NUP93: variants seen among roughly 807,000 people sequenced by gnomAD.
NUP93 encodes nucleoporin 93.
A neutral mutation model predicts 107.8 loss-of-function variants in NUP93; 55 were observed. The ratio of observed to expected loss-of-function variants is 0.51; its 90% CI spans 0.41 to 0.64. The LOEUF is 0.64. Among genes scored for constraint, NUP93 ranks in the 30% least tolerant of loss-of-function variants. NUP93 has a pLI of 0.00. For missense variants in NUP93, 937 were observed against 1,044.7 expected, an observed-to-expected ratio of 0.90 and a Z score of 1.42; for synonymous variants, 390 against 397.5, an observed-to-expected ratio of 0.98 and a Z score of 0.22.
chr16:56,794,787 G>A (rs1416250183), intron 3 of NUP93, among the ~76,000 whole-genome samples: 1 of 151,812 alleles, frequency 6.6e-6, no homozygotes, highest in Non-Finnish European at 1.5e-5. Flanking sequence ...AATTAGCTGG[G>A]CGTGGTTGCA....
chr16:56,834,317 T>TA, intron 14 of NUP93, 53 bp from the exon 15 acceptor site: 1 of 1,613,846 alleles, frequency 6.2e-7, no homozygotes. Context: ...TGAGAATGAC[T>TA]ATTAGAGACC....
chr16:56,778,640 G>C (rs1962459198), intron 3 of NUP93, among the ~76,000 whole-genome samples: 1 of 152,178 alleles, frequency 6.6e-6, no homozygotes, highest in South Asian at 2.1e-4. Context: ...GCTTAAGAAG[G>C]ATGTTCAGAA....
Position 56,818,672 on chromosome 16 carries a change from C to T in NUP93, c.498C>T (p.Tyr166=), listed in dbSNP as rs773686132. The change falls in exon 6 of 22, where the codon TAC becomes TAT. Residue 166 remains tyrosine, a synonymous_variant. Transcript: ENST00000308159. The stretch of plus-strand genomic sequence containing the variant: ...TGTGTATTTATCCACAGCCAAGCTA[C>T]ATCAGTGATGTGGGACCCCCTGGTC... ...LDFTQESEPS[Y]ISDVGPPGRS... The T allele has an allele frequency of 2.5e-6, 4 of 1,614,016 alleles. No individual in the cohort carries two copies. The highest frequency in any genetic ancestry group is 1.1e-5 in the South Asian group (1 of 91,070).
intron 3 of NUP93, chr16:56,784,012 T>TA: frequency 4.5e-6 from 2 of 444,754 alleles, no homozygotes; most frequent in Non-Finnish European, 6.0e-6. Flanking sequence ...GATTTTTTTT[T>TA]AATGTATTTC....
intron 3 of NUP93, among the ~76,000 whole-genome samples, chr16:56,793,567 G>A (rs1367173748): frequency 6.6e-6 from 1 of 152,142 alleles, no homozygotes; most frequent in African/African-American, 2.4e-5. Flanking sequence ...GGTGAGGCAT[G>A]AGAGGCGTAT....
chr16:56,745,793 A>G (rs1961811505), intron 1 of NUP93, among the ~76,000 whole-genome samples: 1 of 152,216 alleles, frequency 6.6e-6, no homozygotes, highest in Non-Finnish European at 1.5e-5. Context: ...CAGAGATTCA[A>G]CCTTTATTTT....
chr16:56,803,875 C>G (rs1286234105), intron 4 of NUP93, among the ~76,000 whole-genome samples: 1 of 152,076 alleles, frequency 6.6e-6, no homozygotes, highest in African/African-American at 2.4e-5. Flanking sequence ...TCGCAGCCTC[C>G]CAAGTAGCTG....
chr16:56,752,352 G>A (rs1472959335), intron 2 of NUP93, among the ~76,000 whole-genome samples: 1 of 152,122 alleles, frequency 6.6e-6, no homozygotes, highest in Admixed American at 6.6e-5. Context: ...TCCATCAGTA[G>A]GTGACTAGTG....
At chr16:56,737,304 G>A (rs1961629692) in intron 1 of NUP93, among the ~76,000 whole-genome samples, 1 of 152,138 alleles carries the variant, frequency 6.6e-6, no homozygotes. Flanking sequence ...GTGGGGAGAG[G>A]TAGGTGGAGG....
chr16:56,743,221 G>A (rs1229257754), intron 1 of NUP93, among the ~76,000 whole-genome samples: 1 of 152,044 alleles, frequency 6.6e-6, no homozygotes, highest in Non-Finnish European at 1.5e-5. Context: ...GTGCATTTTT[G>A]CTCTGCCTTT....
chr16:56,840,577 T>C (rs1483076781), intron 20 of NUP93, among the ~76,000 whole-genome samples: 1 of 152,214 alleles, frequency 6.6e-6, no homozygotes, highest in Non-Finnish European at 1.5e-5. Flanking sequence ...TAAATTCTTC[T>C]CTAGAACTAT....
intron 5 of NUP93, among the ~76,000 whole-genome samples, chr16:56,810,505 T>C (rs577770664): frequency 3.0e-4 from 45 of 152,110 alleles, no homozygotes; most frequent in Admixed American, 1.0e-3. Context: ...GGTTACATGC[T>C]CCTGTAGTCT....
chr16:56,832,764 A>T (rs1963822395), intron 12 of NUP93, among the ~76,000 whole-genome samples: 3 of 152,238 alleles, frequency 2.0e-5, no homozygotes, highest in Admixed American at 2.0e-4. Flanking sequence ...CGTATTTTTT[A>T]AAAACTGAGA....
At chr16:56,830,482 C>G in intron 9 of NUP93, 46 bp from the exon 10 acceptor site, 1 of 1,503,590 alleles carries the variant, frequency 6.7e-7, no homozygotes, top group African/African-American at 1.4e-5. Flanking sequence ...TGAAAGCAGT[C>G]AGCCTTTCCT....
At chr16:56,827,254 T>C (rs867325873) in intron 8 of NUP93, among the ~76,000 whole-genome samples, 2 of 152,138 alleles carry the variant, frequency 1.3e-5, no homozygotes, top group Non-Finnish European at 2.9e-5. Context: ...GACTATTTAA[T>C]CTTGGTATGG....
At chr16:56,798,647 C>G (rs574106375) in intron 4 of NUP93, 109 bp downstream of exon 4, 1 of 861,276 alleles carries the variant, frequency 1.2e-6, no homozygotes, top group African/African-American at 1.7e-5. Context: ...GCAGGAAGTT[C>G]GCTTGAGCCC....
At chr16:56,747,270 G>C (rs1019402879) in intron 1 of NUP93, among the ~76,000 whole-genome samples, 1 of 152,214 alleles carries the variant, frequency 6.6e-6, no homozygotes, top group Non-Finnish European at 1.5e-5. Flanking sequence ...AGAGTGCTGG[G>C]ATTACAGGCG....
chr16:56,752,468 T>C (rs1189940846), intron 2 of NUP93, among the ~76,000 whole-genome samples: 1 of 152,028 alleles, frequency 6.6e-6, no homozygotes, highest in Non-Finnish European at 1.5e-5. Flanking sequence ...AGGTAAAAAA[T>C]GCAGGGTAGA....
chr16:56,832,355 T>A lies in NUP93; in HGVS notation c.1312T>A (p.Ser438Thr). ...TSSPQDRLTL[S>T]QFQKQLLEDY... ...CTCCCCACAAGACAGGCTCACTCTC[T>A]CACAGTTCCAGAAGCAGTTGTTGGA... Residue 438 changes from serine to threonine, a missense_variant, in exon 12 of 22, where the codon TCA (serine) becomes ACA (threonine). Ser to Thr is a moderately conservative substitution (Grantham distance 58). Coordinates refer to ENST00000308159, the MANE Select transcript of NUP93 (RefSeq NM_014669.5). 6.2e-7 allele frequency: 1 copy of A among 1,614,136 alleles called. No homozygotes were observed. Among genetic ancestry groups the A allele is most frequent in the African/African-American group, 1.3e-5 (1 of 75,052 alleles).
Sources: gnomAD v4.1 joint callset for allele counts (sites outside exome capture counted in the v4.1 genomes callset) on GRCh38, gnomAD v4.1.1 for gene constraint, MANE v1.5 for transcripts, NCBI Gene and HGNC (gene_info 2026-07-23, HGNC 2026-07-21) for gene names.